The following PRKN variants were observed in gnomAD, a reference collection of about 807,000 sequenced individuals.
PRKN encodes the protein parkin RBR E3 ubiquitin protein ligase, also known as E3 ubiquitin-protein ligase parkin.
A neutral mutation model predicts 59.5 loss-of-function variants in PRKN; 56 were observed. That is an observed-to-expected ratio of 0.94 (90% CI 0.76 to 1.18). PRKN has a LOEUF of 1.18. Among genes scored for constraint, PRKN ranks in the 50% most tolerant of loss-of-function variants. The pLI is 0.00. For synonymous variants in PRKN, 250 were observed against 222.1 expected, an observed-to-expected ratio of 1.13 and a Z score of -1.12; for missense variants, 657 against 596.4, an observed-to-expected ratio of 1.10 and a Z score of -1.06.
chr6:161,367,928 C>T (rs1053401205), intron 10 of PRKN, among the ~76,000 whole-genome samples: 4 of 152,140 alleles, frequency 2.6e-5, no homozygotes, highest in Non-Finnish European at 5.9e-5. Flanking sequence ...AACTAAATAA[C>T]TTCAGACCCA....
intron 7 of PRKN, among the ~76,000 whole-genome samples, chr6:161,665,888 T>C (rs1784708749): frequency 6.6e-6 from 1 of 152,138 alleles, no homozygotes; most frequent in Non-Finnish European, 1.5e-5. Flanking sequence ...ATTAGGGCCC[T>C]CTGTCTTGTC....
chr6:162,480,178 A>C (rs9356026), intron 1 of PRKN, among the ~76,000 whole-genome samples: 69,652 of 151,954 alleles, frequency 0.46, 16,158 homozygotes, highest in Middle Eastern at 0.53. Context: ...GGACTTTTAC[A>C]CAATTGGTAT....
At position 161,463,235 on chromosome 6, in the gene PRKN, AG is replaced by A. The variant is rs1790300554; in HGVS notation, c.1084-76359del. Among the ~76,000 whole-genome samples, 3 of 152,152 alleles carry A rather than the reference AG, an allele frequency of 2.0e-5. No homozygotes were observed. Among genetic ancestry groups the A allele is most frequent in the African/African-American group, 7.2e-5 (3 of 41,444 alleles). On this transcript the variant is annotated intron_variant, in intron 9 of 11. Transcript: ENST00000366898. This position sits in a 1 kb window ranked among gnomAD's most constrained non-coding sequence, Gnocchi z 4.8. ...GCCTCTGGAAGGTGACTGCCAGGTC[AG>A]CTTCACTGTCAGCTGGTGCCTCTCC... is the stretch of plus-strand genomic sequence containing the variant.
chr6:162,544,672 ATTTTTTTT>A (rs11296683), intron 1 of PRKN, among the ~76,000 whole-genome samples: 1 of 71,510 alleles, frequency 1.4e-5, no homozygotes, highest in Admixed American at 2.0e-4. Context: ...TTTATTGTTG[ATTTTTTTT>A]TTTTTTTTTT....
rs566422362 is a variant in PRKN, at chr6:162,257,456, G to A, written c.412+5069C>T. Among the ~76,000 whole-genome samples, 100 of 152,214 alleles carry A rather than the reference G, an allele frequency of 6.6e-4. 1 individual carries two copies. The highest frequency in any genetic ancestry group is 2.0e-3 in the African/African-American group (82 of 41,534). On this transcript the variant is annotated intron_variant, in intron 3 of 11. Transcript: ENST00000366898. The stretch of plus-strand genomic sequence containing the variant: ...TACTTTCTAACCAAAACATCTAGAG[G>A]AAATGCAAAATTTCCTTTCACCTGA...
intron 7 of PRKN, among the ~76,000 whole-genome samples, chr6:161,733,783 AATATATATAT>A (rs1554298473): frequency 8.1e-5 from 7 of 86,216 alleles, no homozygotes; most frequent in Non-Finnish European, 1.2e-4. Flanking sequence ...AAAAAAAAAA[AATATATATAT>A]ATATGTATAT....
chr6:161,638,844 C>T (rs1294873587), intron 7 of PRKN, among the ~76,000 whole-genome samples: 1 of 150,570 alleles, frequency 6.6e-6, no homozygotes, highest in Non-Finnish European at 1.5e-5. Context: ...CGGGCTCATG[C>T]AATTCTCCTG....
intron 6 of PRKN, among the ~76,000 whole-genome samples, chr6:161,890,396 A>AAATG: frequency 6.6e-6 from 1 of 152,346 alleles, no homozygotes; most frequent in Admixed American, 6.5e-5. Flanking sequence ...CACACTCAGT[A>AAATG]AATGACACAG....
intron 7 of PRKN, among the ~76,000 whole-genome samples, chr6:161,719,223 G>GT (rs34171246): frequency 0.021 from 3,090 of 147,358 alleles, 42 homozygotes; most frequent in African/African-American, 0.043. Flanking sequence ...CATTAATGGA[G>GT]TTTTTTTTTT....
chr6:162,021,160 AT>A lies in PRKN; in HGVS notation c.618+32930del, dbSNP rs1783159124. The stretch of plus-strand genomic sequence containing the variant: ...TATATATATATATATATATATATAT[AT>A]ATATAAAATATATGTGTATATATAT... On this transcript the variant is annotated intron_variant, in intron 5 of 11. Transcript: ENST00000366898. Among the ~76,000 whole-genome samples the A allele has an allele frequency of 7.8e-4, 20 of 25,666 alleles. 2 individuals carry two copies. Among genetic ancestry groups the A allele is most frequent in the East Asian group, 5.9e-3 (3 of 512 alleles). The allele number at this position is 25,666 out of a possible 152,430, so 16.8% of individuals were successfully genotyped here.
intron 4 of PRKN, among the ~76,000 whole-genome samples, chr6:162,085,995 A>G (rs941290035): frequency 6.6e-6 from 1 of 152,154 alleles, no homozygotes; most frequent in African/African-American, 2.4e-5. Context: ...AGTCCCCCTA[A>G]TATTTCCTTC....
chr6:162,255,393 A>C (rs1779600745), intron 3 of PRKN, among the ~76,000 whole-genome samples: 1 of 152,202 alleles, frequency 6.6e-6, no homozygotes, highest in South Asian at 2.1e-4. Flanking sequence ...CATCAACTTC[A>C]TGAGTTAGGT....
chr6:162,465,578 T>A (rs566527160), intron 1 of PRKN, among the ~76,000 whole-genome samples: 1 of 152,302 alleles, frequency 6.6e-6, no homozygotes, highest in East Asian at 1.9e-4. Context: ...AAATGCAAAA[T>A]AATTCTTTTC....
intron 6 of PRKN, among the ~76,000 whole-genome samples, chr6:161,841,353 CTTT>C (rs35323590): frequency 2.1e-5 from 3 of 142,840 alleles, no homozygotes; most frequent in African/African-American, 2.6e-5. Context: ...TTTCTTTTTC[CTTT>C]TTTTTTTTTT....
chr6:162,461,824 T>TA lies in PRKN; in HGVS notation c.8-18352dup, dbSNP rs72377172. ...CTGGGCGACAGGCTGAGACTTCGTC[T>TA]AAAAAAAAAAAAAGAGACAATGAAG... On this transcript the variant is annotated intron_variant, in intron 1 of 11. Coordinates refer to ENST00000366898, the MANE Select transcript of PRKN (RefSeq NM_004562.3). 3.7e-3 allele frequency among the ~76,000 whole-genome samples: 511 copies of TA among 139,434 alleles called. 2 individuals carry two copies. The highest frequency in any genetic ancestry group is 0.012 in the African/African-American group (442 of 37,958). 91.5% of individuals were successfully genotyped at this position (139,434 alleles called of 152,430 possible). A position where few individuals can be genotyped will look rare whatever the true frequency, so the allele number is the denominator to read the frequency against.
chr6:162,089,869 T>C (rs1779404565), intron 4 of PRKN, among the ~76,000 whole-genome samples: 1 of 152,172 alleles, frequency 6.6e-6, no homozygotes, highest in Non-Finnish European at 1.5e-5. Flanking sequence ...GGTAGCCAGG[T>C]ACTCGGGGAA....
rs574790511 is a variant in PRKN at position 162,143,506 on chromosome 6, C to T, written c.534+57625G>A. On this transcript the variant is annotated intron_variant, in intron 4 of 11. Coordinates refer to ENST00000366898, the MANE Select transcript of PRKN (RefSeq NM_004562.3). ...ACTACCTATGACCAGACTTCTACTA[C>T]AGAGAAAAATGTACACTTCTGTCAG... is the stretch of plus-strand genomic sequence containing the variant. 9.2e-5 allele frequency among the ~76,000 whole-genome samples: 14 copies of T among 152,230 alleles called. No individual in the cohort carries two copies. In the South Asian group the frequency reaches 1.5e-3, roughly 16 times the overall value.
intron 6 of PRKN, among the ~76,000 whole-genome samples, chr6:161,930,851 C>T (rs765048405): frequency 2.6e-5 from 4 of 152,106 alleles, no homozygotes; most frequent in Non-Finnish European, 5.9e-5. Flanking sequence ...AAGAGTCCAC[C>T]GGCTACTGTT....
chr6:161,841,061 T>C (rs1373593968), intron 6 of PRKN, among the ~76,000 whole-genome samples: 1 of 152,220 alleles, frequency 6.6e-6, no homozygotes, highest in Non-Finnish European at 1.5e-5. Context: ...AGCAATCCCA[T>C]TACTGTGTGT....
Sources: gnomAD v4.1 joint callset for allele counts (sites outside exome capture counted in the v4.1 genomes callset) on GRCh38, gnomAD v4.1.1 for gene constraint, Gnocchi (gnomAD v3.1) non-coding constraint, MANE v1.5 for transcripts, NCBI Gene and HGNC (gene_info 2026-07-23, HGNC 2026-07-21) for gene names.